The following NRXN3 variants were observed in gnomAD, a reference collection of about 807,000 sequenced individuals.
The protein encoded by NRXN3 is neurexin III.
Under a neutral mutation model 137.6 loss-of-function variants are expected in NRXN3, and 32 were observed. That is an observed-to-expected ratio of 0.23 (90% CI 0.18 to 0.31). The LOEUF is 0.31. Ranked by LOEUF, NRXN3 falls within the 10% of genes least tolerant of loss-of-function variation. The pLI is 1.00. For missense variants in NRXN3, 1,574 were observed against 2,062.5 expected (o/e 0.76, Z 4.59); for synonymous variants, 798 against 784.5 (o/e 1.02, Z -0.29).
chr14:78,746,958 T>A (rs1019529738), intron 8 of NRXN3, among the ~76,000 whole-genome samples: 1 of 152,182 alleles, frequency 6.6e-6, no homozygotes, highest in Non-Finnish European at 1.5e-5. Context: ...GATGCCTGGC[T>A]CTGGGCTGAT....
At chr14:79,522,698 T>G (rs2097079201) in intron 16 of NRXN3, among the ~76,000 whole-genome samples, 1 of 152,186 alleles carries the variant, frequency 6.6e-6, no homozygotes, top group Non-Finnish European at 1.5e-5. Flanking sequence ...AACATTTCCT[T>G]CCTTAGCTGT....
At chr14:78,410,416 G>A (rs1408282358) in intron 4 of NRXN3, among the ~76,000 whole-genome samples, 2 of 152,190 alleles carry the variant, frequency 1.3e-5, no homozygotes, top group African/African-American at 2.4e-5. Flanking sequence ...ATGCTCAGGA[G>A]TATTCCACAG....
At position 78,975,256 on chromosome 14, in the gene NRXN3, G is replaced by A. The variant is rs1220496859; in HGVS notation, c.3142+6910G>A. 2.0e-5 allele frequency among the ~76,000 whole-genome samples: 3 copies of A among 152,214 alleles called. No individual in the cohort carries two copies. In the South Asian group the frequency reaches 6.2e-4, roughly 32 times the overall value. On this transcript the variant is annotated intron_variant, in intron 14 of 20. Coordinates refer to ENST00000335750, the MANE Select transcript of NRXN3 (RefSeq NM_001330195.2). ...AGCATGAAGGAACACACTGGATCGT[G>A]TAGGGTCATGGTGGTCATGGGGAGT...
At chr14:79,634,077 A>C (rs1287375863) in intron 16 of NRXN3, among the ~76,000 whole-genome samples, 2 of 152,160 alleles carry the variant, frequency 1.3e-5, no homozygotes, top group Non-Finnish European at 2.9e-5. Context: ...TACTCCAGTG[A>C]GACAAAAGTC....
chr14:79,534,468 C>T (rs1021220592), intron 16 of NRXN3, among the ~76,000 whole-genome samples: 2 of 152,072 alleles, frequency 1.3e-5, no homozygotes, highest in East Asian at 1.9e-4. Flanking sequence ...AACAAATAAA[C>T]GAATGTTCGA....
At chr14:78,354,470 T>C (rs1433972675) in intron 4 of NRXN3, among the ~76,000 whole-genome samples, 1 of 152,184 alleles carries the variant, frequency 6.6e-6, no homozygotes, top group African/African-American at 2.4e-5. Context: ...TCATTCATCT[T>C]TGAGAGATGA....
chr14:78,409,264 T>C (rs12892370), intron 4 of NRXN3, among the ~76,000 whole-genome samples: 30,922 of 152,020 alleles, frequency 0.2, 5,053 homozygotes, highest in African/African-American at 0.45. Flanking sequence ...ATGTGCTTTA[T>C]GTGCTGAAGT....
rs373080072 is a variant in NRXN3 at position 78,492,673 on chromosome 14, G to A, written c.758-152447G>A. On this transcript the variant is annotated intron_variant, in intron 4 of 20. Coordinates refer to ENST00000335750, the MANE Select transcript of NRXN3 (RefSeq NM_001330195.2). ...CAGATACACTCTACTCCAGCCAGGG[G>A]TCCCAGATATAAACACTTGTAGGGG... is the stretch of plus-strand genomic sequence containing the variant. Among the ~76,000 whole-genome samples the A allele has an allele frequency of 1.6e-4, 25 of 152,244 alleles. 1 individual carries two copies. The South Asian group carries it at 5.2e-3, about 32-fold the overall frequency.
chr14:79,666,948 A>C (rs930584092), intron 17 of NRXN3, among the ~76,000 whole-genome samples: 9 of 152,012 alleles, frequency 5.9e-5, no homozygotes, highest in African/African-American at 2.2e-4. Context: ...TGTGTGATAT[A>C]CTAGATCGAG....
At chr14:78,334,495 C>T (rs1005456847) in intron 4 of NRXN3, among the ~76,000 whole-genome samples, 25 of 151,968 alleles carry the variant, frequency 1.6e-4, no homozygotes, top group African/African-American at 5.1e-4. Flanking sequence ...GGCTCCTCCC[C>T]GAGGATGATA....
intron 15 of NRXN3, among the ~76,000 whole-genome samples, chr14:79,370,777 A>G (rs557766336): frequency 1.3e-5 from 2 of 152,318 alleles, no homozygotes; most frequent in Admixed American, 6.5e-5. Context: ...TTCAATAAAA[A>G]CATTTCCCAC....
At chr14:78,192,190 A>T (rs2060815203) in intron 1 of NRXN3, among the ~76,000 whole-genome samples, 1 of 152,022 alleles carries the variant, frequency 6.6e-6, no homozygotes, top group Non-Finnish European at 1.5e-5. Context: ...TAAGGGCAGG[A>T]GATGGCTCCT....
chr14:79,153,385 C>T (rs974817370), intron 15 of NRXN3, among the ~76,000 whole-genome samples: 1 of 151,894 alleles, frequency 6.6e-6, no homozygotes, highest in African/African-American at 2.4e-5. Flanking sequence ...ACTTAAAAGA[C>T]AAGCATTTCC....
chr14:79,777,692 A>T (rs138115450), intron 19 of NRXN3, among the ~76,000 whole-genome samples: 3,870 of 152,052 alleles, frequency 0.025, 71 homozygotes, highest in Non-Finnish European at 0.037. Flanking sequence ...TTTTTCACTG[A>T]GCAAAATAGC....
At chr14:79,612,880 G>A (rs1227613935) in intron 16 of NRXN3, among the ~76,000 whole-genome samples, 1 of 152,124 alleles carries the variant, frequency 6.6e-6, no homozygotes, top group African/African-American at 2.4e-5. Flanking sequence ...AAAATAAAAT[G>A]CTAAAATGAA....
chr14:78,824,247 A>T (rs373635306), intron 10 of NRXN3, among the ~76,000 whole-genome samples: 1 of 152,024 alleles, frequency 6.6e-6, no homozygotes, highest in African/African-American at 2.4e-5. Context: ...ATGGCTGGAA[A>T]CTTAGTTTTT....
intron 4 of NRXN3, among the ~76,000 whole-genome samples, chr14:78,352,445 A>G (rs995645849): frequency 1.3e-5 from 2 of 152,090 alleles, no homozygotes; most frequent in Non-Finnish European, 2.9e-5. Context: ...CCCCATGCCC[A>G]TGTAGCACCA....
At chr14:78,474,088 G>C (rs2095334382) in intron 4 of NRXN3, among the ~76,000 whole-genome samples, 2 of 152,142 alleles carry the variant, frequency 1.3e-5, no homozygotes, top group Admixed American at 6.5e-5. Context: ...CCTGGCTACT[G>C]TATGAAGACA....
At chr14:79,821,915 A>AT (rs985212580) in intron 20 of NRXN3, among the ~76,000 whole-genome samples, 25 of 151,922 alleles carry the variant, frequency 1.6e-4, no homozygotes, top group Non-Finnish European at 3.5e-4. Flanking sequence ...ATATATTAAG[A>AT]TTTTTTTTAT....
Sources: allele counts gnomAD v4.1 joint callset (sites outside exome capture counted in the v4.1 genomes callset), GRCh38; gene constraint gnomAD v4.1.1; transcripts MANE v1.5; gene names NCBI Gene and HGNC (gene_info 2026-07-23, HGNC 2026-07-21).